AOAH: variants seen among roughly 807,000 people sequenced by gnomAD.
The protein encoded by AOAH is acyloxyacyl hydrolase, also known as acyloxyacyl hydrolase (neutrophil).
A neutral mutation model predicts 92.2 loss-of-function variants in AOAH; 64 were observed. The observed-to-expected ratio is 0.69, with a 90% CI of 0.57 to 0.86. The LOEUF (loss-of-function observed/expected upper bound fraction) is 0.86, where lower values mean the gene tolerates loss of function less well. AOAH is among the 40% of genes least tolerant of loss of function. AOAH has a pLI of 0.00. For synonymous variants in AOAH, 263 were observed against 254.5 expected (o/e 1.03, Z -0.32); for missense variants, 656 against 694.6 (o/e 0.94, Z 0.62).
chr7:36,675,180 C>T lies in AOAH; in HGVS notation c.224-1171G>A, dbSNP rs563834393. On this transcript the variant is annotated intron_variant, in intron 2 of 20. Transcript: ENST00000617537. ...CTGGGGCAGGAGAATCGCTTGAACC[C>T]GGGAGGTGGAGGTTGCAGTGAGCCG... Among the ~76,000 whole-genome samples the T allele has an allele frequency of 3.1e-3, 469 of 152,198 alleles. 5 individuals carry two copies. The highest frequency in any genetic ancestry group is 0.011 in the African/African-American group (449 of 41,522).
chr7:36,588,604 G>C (rs532315376), intron 12 of AOAH, among the ~76,000 whole-genome samples: 1 of 152,278 alleles, frequency 6.6e-6, no homozygotes, highest in East Asian at 1.9e-4. Context: ...CATGAAATTA[G>C]GTTAGCAAAT....
chr7:36,626,092 C>T (rs1803994223), intron 6 of AOAH, among the ~76,000 whole-genome samples: 1 of 152,108 alleles, frequency 6.6e-6, no homozygotes, highest in Admixed American at 6.6e-5. Context: ...ATGTATTTGG[C>T]CTCTTGGACA....
intron 1 of AOAH, among the ~76,000 whole-genome samples, chr7:36,687,551 C>G (rs1238857937): frequency 2.2e-5 from 3 of 138,472 alleles, no homozygotes; most frequent in Non-Finnish European, 4.7e-5. Context: ...TTTTTTTTTT[C>G]CAAAGAAAAG....
intron 15 of AOAH, among the ~76,000 whole-genome samples, chr7:36,543,488 G>A (rs1785561616): frequency 6.6e-6 from 1 of 151,960 alleles, no homozygotes; most frequent in African/African-American, 2.4e-5. Context: ...CCACGCTTTG[G>A]CACAAAGCAA....
At chr7:36,656,618 G>A (rs749038798) in intron 4 of AOAH, among the ~76,000 whole-genome samples, 7 of 151,972 alleles carry the variant, frequency 4.6e-5, no homozygotes, top group Non-Finnish European at 1.0e-4. Flanking sequence ...AGACCCTGGG[G>A]TTGTATGTTG....
At chr7:36,593,094 T>C (rs1398876833) in intron 12 of AOAH, among the ~76,000 whole-genome samples, 1 of 152,196 alleles carries the variant, frequency 6.6e-6, no homozygotes, top group African/African-American at 2.4e-5. Flanking sequence ...TGAACTCTTT[T>C]TCCTCGGAGC....
intron 16 of AOAH, 132 bp downstream of exon 16, chr7:36,540,187 T>C (rs1785325052): frequency 1.2e-6 from 1 of 830,304 alleles, no homozygotes; most frequent in Non-Finnish European, 1.8e-6. Flanking sequence ...TAGGGGCTCT[T>C]GCCTTTATCA....
At chr7:36,683,234 C>CA in intron 2 of AOAH, among the ~76,000 whole-genome samples, 1 of 152,260 alleles carries the variant, frequency 6.6e-6, no homozygotes. Context: ...ATAAAGGGCG[C>CA]AGACAGCCTG....
At chr7:36,515,160 A>C (rs148274258) in intron 20 of AOAH, among the ~76,000 whole-genome samples, 3 of 121,460 alleles carry the variant, frequency 2.5e-5, no homozygotes, top group Admixed American at 8.7e-5. Flanking sequence ...ACAACCCCAC[A>C]CCACACACAC....
intron 5 of AOAH, 24 bp downstream of exon 5, chr7:36,637,827 G>A: frequency 6.2e-7 from 1 of 1,611,028 alleles, no homozygotes; most frequent in Non-Finnish European, 8.5e-7. Flanking sequence ...GAAAAGGCTG[G>A]CGTTCTACGT....
chr7:36,616,967 G>GAGAT (rs1489843691), intron 10 of AOAH, among the ~76,000 whole-genome samples: 1 of 152,184 alleles, frequency 6.6e-6, no homozygotes, highest in African/African-American at 2.4e-5. Flanking sequence ...TGGAGACACG[G>GAGAT]AGATAGAAAG....
intron 13 of AOAH, among the ~76,000 whole-genome samples, chr7:36,556,290 G>C (rs184151755): frequency 6.6e-6 from 1 of 151,994 alleles, no homozygotes; most frequent in African/African-American, 2.4e-5. Flanking sequence ...GTAGTTGAGC[G>C]GTTTTGAGTG....
chr7:36,711,856 T>C (rs1798789632), intron 1 of AOAH, among the ~76,000 whole-genome samples: 1 of 152,008 alleles, frequency 6.6e-6, no homozygotes, highest in Non-Finnish European at 1.5e-5. Flanking sequence ...CTGGCGCTCT[T>C]AGGGCTGAGG....
intron 1 of AOAH, among the ~76,000 whole-genome samples, chr7:36,687,136 C>T (rs1239538890): frequency 6.6e-6 from 1 of 152,072 alleles, no homozygotes; most frequent in Non-Finnish European, 1.5e-5. Context: ...GTGGAAATTG[C>T]CTGGCATTTG....
intron 13 of AOAH, among the ~76,000 whole-genome samples, chr7:36,560,517 G>T (rs915228221): frequency 3.7e-4 from 57 of 152,120 alleles, no homozygotes; most frequent in African/African-American, 1.3e-3. Flanking sequence ...TTATGTTCCT[G>T]ATTTGGCTCT....
chr7:36,598,911 C>T (rs1311861862), intron 11 of AOAH, among the ~76,000 whole-genome samples: 1 of 152,144 alleles, frequency 6.6e-6, no homozygotes, highest in African/African-American at 2.4e-5. Flanking sequence ...CCTGCTTATT[C>T]CTCTTGAGCA....
Position 36,513,251 on chromosome 7 carries a change from C to T in AOAH, c.*1G>A, listed in dbSNP as rs1027795140. On this transcript the variant is annotated 3_prime_UTR_variant, in exon 21 of 21. Coordinates refer to ENST00000617537, the MANE Select transcript of AOAH (RefSeq NM_001637.4). ...CCCAGGGGTGCATGCTCCTGAGAGG[C>T]TCAGTGCCCGCCTTGGTCTCCAAAC... 1 of 1,614,202 alleles carries T rather than the reference C, an allele frequency of 6.2e-7. No homozygotes were observed. The highest frequency in any genetic ancestry group is 8.5e-7 in the Non-Finnish European group (1 of 1,180,034).
chr7:36,522,661 G>A (rs1029021571), intron 19 of AOAH, among the ~76,000 whole-genome samples: 2 of 152,184 alleles, frequency 1.3e-5, no homozygotes, highest in African/African-American at 4.8e-5. Flanking sequence ...CAATGAAACT[G>A]TCCTTCAACA....
intron 1 of AOAH, among the ~76,000 whole-genome samples, chr7:36,715,235 G>A (rs535754880): frequency 1.7e-4 from 26 of 152,254 alleles, no homozygotes; most frequent in African/African-American, 5.1e-4. Flanking sequence ...TTGCTTCAAA[G>A]AGCATAAAAT....
Sources: gnomAD v4.1 joint callset for allele counts (sites outside exome capture counted in the v4.1 genomes callset) on GRCh38, gnomAD v4.1.1 for gene constraint, MANE v1.5 for transcripts, NCBI Gene and HGNC (gene_info 2026-07-23, HGNC 2026-07-21) for gene names.